Variants in LRRC4C observed in about 807,000 individuals in gnomAD.
LRRC4C encodes leucine rich repeat containing 4C, also known as leucine-rich repeat-containing protein 4C.
LRRC4C carries 5 observed loss-of-function variants against 33.6 expected under a neutral mutation model. That is an observed-to-expected ratio of 0.15 (90% confidence interval 0.08 to 0.31). The LOEUF is 0.31. Among genes scored for constraint, LRRC4C ranks in the 10% least tolerant of loss-of-function variants. The probability of loss-of-function intolerance (pLI) is 1.00; values close to 1 mark genes in which losing one functional copy is unlikely to be tolerated. For missense variants in LRRC4C, 560 were observed against 796.7 expected (o/e 0.70, Z 3.58); for synonymous variants, 329 against 302.0 (o/e 1.09, Z -0.93).
chr11:40,228,280 C>G (rs763576815), intron 5 of LRRC4C, among the ~76,000 whole-genome samples: 1 of 152,178 alleles, frequency 6.6e-6, no homozygotes, highest in African/African-American at 2.4e-5. Flanking sequence ...TGCATTCTTC[C>G]AGTGAGGCAA....
chr11:40,520,437 G>A (rs1018121080), intron 3 of LRRC4C, among the ~76,000 whole-genome samples: 3 of 152,106 alleles, frequency 2.0e-5, no homozygotes, highest in Admixed American at 1.3e-4. Context: ...GATTATTGAA[G>A]GGTTATTAAT....
At chr11:40,168,976 A>T (rs1256438683) in intron 5 of LRRC4C, among the ~76,000 whole-genome samples, 1 of 152,052 alleles carries the variant, frequency 6.6e-6, no homozygotes, top group Non-Finnish European at 1.5e-5. Context: ...CCCAGTCTTT[A>T]CTTTAGTTTT....
chr11:40,448,738 G>T (rs1053295665), intron 3 of LRRC4C, among the ~76,000 whole-genome samples: 5 of 152,182 alleles, frequency 3.3e-5, no homozygotes, highest in Non-Finnish European at 7.3e-5. Flanking sequence ...ATAGTAGAAT[G>T]ATTTATAATC....
At chr11:40,345,250 A>C (rs888246755) in intron 3 of LRRC4C, among the ~76,000 whole-genome samples, 2 of 152,198 alleles carry the variant, frequency 1.3e-5, no homozygotes, top group Non-Finnish European at 2.9e-5. Flanking sequence ...AGACAATCCT[A>C]AGCAAAATAA....
intron 5 of LRRC4C, among the ~76,000 whole-genome samples, chr11:40,224,466 G>A (rs1864645076): frequency 6.6e-6 from 1 of 152,124 alleles, no homozygotes; most frequent in Non-Finnish European, 1.5e-5. Flanking sequence ...AATAAAATAT[G>A]ACAAATACAA....
At chr11:41,135,222 A>T (rs117060599) in intron 1 of LRRC4C, among the ~76,000 whole-genome samples, 3,170 of 152,262 alleles carry the variant, frequency 0.021, 41 homozygotes, top group Non-Finnish European at 0.034. Context: ...AATTTTGCAA[A>T]GTTTTGGCTG....
At chr11:41,194,696 TC>T (rs1204222138) in intron 1 of LRRC4C, among the ~76,000 whole-genome samples, 5 of 152,166 alleles carry the variant, frequency 3.3e-5, no homozygotes, top group African/African-American at 9.6e-5. Context: ...AGTAGATCCT[TC>T]TCTGTCAACG....
intron 1 of LRRC4C, among the ~76,000 whole-genome samples, chr11:41,435,281 T>C (rs1351619552): frequency 6.6e-6 from 1 of 152,194 alleles, no homozygotes; most frequent in Non-Finnish European, 1.5e-5. Context: ...AGAATGTGAT[T>C]CCAGTAATAT....
chr11:40,432,990 T>C (rs938265473), intron 3 of LRRC4C, among the ~76,000 whole-genome samples: 30 of 152,164 alleles, frequency 2.0e-4, no homozygotes, highest in Non-Finnish European at 3.5e-4. Context: ...AAATGTTCCT[T>C]GTAGAAAATT....
At chr11:41,135,993 A>G (rs2135872585) in intron 1 of LRRC4C, among the ~76,000 whole-genome samples, 1 of 152,280 alleles carries the variant, frequency 6.6e-6, no homozygotes, top group Middle Eastern at 3.4e-3. Context: ...TTTATTGAGT[A>G]TATACTGTGT....
intron 3 of LRRC4C, among the ~76,000 whole-genome samples, chr11:40,409,952 C>T (rs960038637): frequency 2.0e-5 from 3 of 151,974 alleles, no homozygotes; most frequent in African/African-American, 7.2e-5. Context: ...ATTTTGTACA[C>T]AATAAATATC....
chr11:40,431,380 G>A (rs945992352), intron 3 of LRRC4C, among the ~76,000 whole-genome samples: 2 of 126,242 alleles, frequency 1.6e-5, no homozygotes, highest in African/African-American at 6.3e-5. Flanking sequence ...GAGTGACAGG[G>A]CGAGACTCTG....
At chr11:40,546,050 C>T (rs1956899881) in intron 3 of LRRC4C, among the ~76,000 whole-genome samples, 1 of 151,432 alleles carries the variant, frequency 6.6e-6, no homozygotes, top group African/African-American at 2.4e-5. Context: ...CATTTTATTT[C>T]TCCAAGTCTT....
chr11:41,271,225 T>C (rs944080377), intron 1 of LRRC4C, among the ~76,000 whole-genome samples: 2 of 152,074 alleles, frequency 1.3e-5, no homozygotes, highest in Non-Finnish European at 2.9e-5. Context: ...TCCTCCTTCC[T>C]AACTTAAGTA....
chr11:40,571,408 C>T (rs1316230779), intron 3 of LRRC4C, among the ~76,000 whole-genome samples: 2 of 152,028 alleles, frequency 1.3e-5, no homozygotes, highest in Non-Finnish European at 2.9e-5. Context: ...TATGCACTGT[C>T]ATAGAACAGA....
At chr11:41,012,450 A>G (rs1175310161) in intron 1 of LRRC4C, among the ~76,000 whole-genome samples, 8 of 152,144 alleles carry the variant, frequency 5.3e-5, no homozygotes, top group Non-Finnish European at 2.9e-5. Context: ...TCAATTGTGT[A>G]TATATATATC....
At chr11:40,398,984 A>G (rs578057665) in intron 3 of LRRC4C, among the ~76,000 whole-genome samples, 1 of 152,234 alleles carries the variant, frequency 6.6e-6, no homozygotes, top group East Asian at 1.9e-4. Context: ...CCTCTAATTA[A>G]CATACTGGTG....
rs1429131482 is a variant in LRRC4C at position 40,147,698 on chromosome 11, T to TA, written c.-95-6846dup. Among the ~76,000 whole-genome samples the TA allele has an allele frequency of 6.6e-5, 10 of 152,238 alleles. No homozygotes were observed. In the South Asian group the frequency reaches 2.1e-3, roughly 32 times the overall value. Reference sequence around the variant, plus strand: ...ATTGTCGAGATGAAAAGAAAATAATTAAAAAACAGAATAATTGAGAGGAAA... The same window carrying TA: ...ATTGTCGAGATGAAAAGAAAATAATTAAAAAAACAGAATAATTGAGAGGAAA... On this transcript the variant is annotated intron_variant, in intron 5 of 6. Transcript: ENST00000528697.
In LRRC4C at chr11:40,115,603, A is replaced by G. The variant is rs1420925355; in HGVS notation, c.690T>C (p.His230=). ...KLDELDLSGN[H]LSAIRPGSFQ... ...AAGAGCCAGGCCTGATGGCAGATAAATGATTCCCAGAAAGATCCAGCTCAT... is the reference window on the plus strand; with the variant it reads ...AAGAGCCAGGCCTGATGGCAGATAAGTGATTCCCAGAAAGATCCAGCTCAT... Residue 230 remains histidine, a synonymous_variant, in exon 7 of 7, where the codon CAT becomes CAC. Transcript: ENST00000528697. This position sits in a 1 kb window ranked among gnomAD's most constrained non-coding sequence, Gnocchi z 6.7. 3.1e-6 allele frequency: 5 copies of G among 1,614,086 alleles called. No homozygotes were observed. The African/African-American group carries it at 5.3e-5, about 17-fold the overall frequency.
Sources: allele counts gnomAD v4.1 joint callset (sites outside exome capture counted in the v4.1 genomes callset), GRCh38; gene constraint gnomAD v4.1.1; non-coding constraint Gnocchi (gnomAD v3.1); transcripts MANE v1.5; gene names NCBI Gene and HGNC (gene_info 2026-07-23, HGNC 2026-07-21).